Variants in FEM1A observed in about 807,000 individuals in gnomAD.
FEM1A encodes the protein fem-1 homolog A.
Under a neutral mutation model 0.7 loss-of-function variants are expected in FEM1A, and 1 was observed. The ratio of observed to expected loss-of-function variants is 1.35; its 90% CI spans 0.48 to 6.40. FEM1A has a LOEUF of 6.40. Among genes scored for constraint, FEM1A ranks in the 30% most tolerant of loss-of-function variants. The probability of loss-of-function intolerance (pLI) is 0.14; values close to 1 mark genes in which losing one functional copy is unlikely to be tolerated. For synonymous variants in FEM1A, 391 were observed against 420.6 expected (o/e 0.93, Z 0.86); for missense variants, 721 against 918.7 (o/e 0.78, Z 2.78).
In FEM1A at chr19:4,798,252, A is replaced by AAACC. The variant is rs1488470605; in HGVS notation, c.*4391_*4392insCAAC. On this transcript the variant is annotated 3_prime_UTR_variant, in exon 1 of 1. Coordinates refer to ENST00000269856, the MANE Select transcript of FEM1A (RefSeq NM_018708.3). ...CGTCTCAAAAAACAAACAAACAAACAAACAAAACAAAGCAGGTCCGGTATG... is the reference window on the plus strand; with the variant it reads ...CGTCTCAAAAAACAAACAAACAAACAAACCAACAAAACAAAGCAGGTCCGGTATG... 1.3e-5 allele frequency: 2 copies of AAACC among 151,038 alleles called. No individual in the cohort carries two copies. The highest frequency in any genetic ancestry group is 4.9e-5 in the African/African-American group (2 of 40,660). The allele number at this position is 151,038 out of a possible 1,614,324, so 9.4% of individuals were successfully genotyped here. A position where few individuals can be genotyped will look rare whatever the true frequency, so the allele number is the denominator to read the frequency against.
In FEM1A at chr19:4,792,653, C is replaced by T. The variant is rs2093555887; in HGVS notation, c.799C>T (p.Pro267Ser). ...CTCCACCAGCCAGGGGTGTGCGCAG[C>T]CTCAGGGGGCTCCGTGCTGCAGCTC... ...DPSTSQGCAQ[P>S]QGAPCCSSSP... The change falls in exon 1 of 1, where the codon CCT becomes TCT. Residue 267 changes from proline to serine, a missense_variant. This residue lies in a region of FEM1A where 137 missense variants were observed against 121.7 expected (regional missense o/e 1.13). Transcript: ENST00000269856. This position sits in a 1 kb window ranked among gnomAD's most constrained non-coding sequence, Gnocchi z 6.7. 6.2e-7 allele frequency: 1 copy of T among 1,611,984 alleles called. No homozygotes were observed. Among genetic ancestry groups the T allele is most frequent in the Non-Finnish European group, 8.5e-7 (1 of 1,179,852 alleles).
In FEM1A at chr19:4,796,811, C is replaced by T. The variant is rs1004393863; in HGVS notation, c.*2947C>T. 15 of 152,336 alleles carry T rather than the reference C, an allele frequency of 9.8e-5. No homozygotes were observed. The highest frequency in any genetic ancestry group is 3.4e-4 in the African/African-American group (14 of 41,444). The allele number at this position is 152,336 out of a possible 1,614,324, so 9.4% of individuals were successfully genotyped here. A position where few individuals can be genotyped will look rare whatever the true frequency, so the allele number is the denominator to read the frequency against. On this transcript the variant is annotated 3_prime_UTR_variant, in exon 1 of 1. Transcript: ENST00000269856. Reference sequence around the variant, plus strand: ...GCATTGGGTTGGAGGGCTCTTCTCCCGAGGGTGGGTGTCTCCCATCTCTTG... The same window carrying T: ...GCATTGGGTTGGAGGGCTCTTCTCCTGAGGGTGGGTGTCTCCCATCTCTTG...
At position 4,794,958 on chromosome 19, in the gene FEM1A, G is replaced by C. The variant is rs1355928185; in HGVS notation, c.*1094G>C. 1 of 166,774 alleles carries C rather than the reference G, an allele frequency of 6.0e-6. No homozygotes were observed. The highest frequency in any genetic ancestry group is 2.4e-5 in the African/African-American group (1 of 41,338). The allele number at this position is 166,774 out of a possible 1,614,324, so 10.3% of individuals were successfully genotyped here. On this transcript the variant is annotated 3_prime_UTR_variant, in exon 1 of 1. Transcript: ENST00000269856. ...TGCAGTGGCCTCTGATTTCATTGTG[G>C]GTGCATCCACAGGTGGCCCGAGCTG... is the stretch of plus-strand genomic sequence containing the variant.
rs1332528644 is a variant in FEM1A at position 4,792,409 on chromosome 19, G to A, written c.555G>A (p.Thr185=). 6.3e-7 allele frequency: 1 copy of A among 1,595,536 alleles called. No individual in the cohort carries two copies. Among genetic ancestry groups the A allele is most frequent in the African/African-American group, 1.3e-5 (1 of 74,864 alleles). The change falls in exon 1 of 1, where the codon ACG becomes ACA. Residue 185 remains threonine, a synonymous_variant. Coordinates refer to ENST00000269856, the MANE Select transcript of FEM1A (RefSeq NM_018708.3). The surrounding 1 kb of genome is among the most constrained non-coding windows in gnomAD (Gnocchi z 6.7). ...ACCGGCGCAGCGCCAAGGGCAACAC[G>A]GCCCTGCATGACTGCGCCGAGTCCG... is the stretch of plus-strand genomic sequence containing the variant. The part of the protein sequence containing the change: ...QVNRRSAKGN[T]ALHDCAESGS...
chr19:4,792,312 G>A lies in FEM1A; in HGVS notation c.458G>A (p.Cys153Tyr). The A allele has an allele frequency of 6.3e-7, 1 of 1,588,258 alleles. No individual in the cohort carries two copies. The highest frequency in any genetic ancestry group is 8.5e-7 in the Non-Finnish European group (1 of 1,175,034). Residue 153 changes from cysteine (C) to tyrosine (Y), a missense_variant, in exon 1 of 1, where the codon TGC becomes TAC. By Grantham distance (194) the Cys-to-Tyr change is radical. Around this residue, in one of 4 missense-constraint regions of FEM1A, gnomAD observed 195 missense variants for 316.9 expected, o/e 0.62. Coordinates refer to ENST00000269856, the MANE Select transcript of FEM1A (RefSeq NM_018708.3). The surrounding 1 kb of genome is among the most constrained non-coding windows in gnomAD (Gnocchi z 6.7). ...GTGGCCAACCGGCACGGCCACACGT[G>A]CCTCATGATCTCGTGCTACAAGGGC... ...LEVANRHGHTCLMISCYKGHR... is the reference protein window; with the variant it reads ...LEVANRHGHTYLMISCYKGHR...
rs1362945900 is a variant in FEM1A, at chr19:4,793,565, G to A, written c.1711G>A (p.Gly571Arg). 3.1e-6 allele frequency: 5 copies of A among 1,612,954 alleles called. No individual in the cohort carries two copies. The highest frequency in any genetic ancestry group is 4.2e-6 in the Non-Finnish European group (5 of 1,179,842). The change falls in exon 1 of 1, where the codon GGG (glycine) becomes AGG (arginine). Residue 571 changes from glycine (G) to arginine (R), a missense_variant. Around this residue, in one of 4 missense-constraint regions of FEM1A, gnomAD observed 379 missense variants for 454.8 expected, o/e 0.83. Coordinates refer to ENST00000269856, the MANE Select transcript of FEM1A (RefSeq NM_018708.3). This position sits in a 1 kb window ranked among gnomAD's most constrained non-coding sequence, Gnocchi z 5.1. ...CGTGGTCAAAGTGCTGCTCGACTGC[G>A]GGGCCGACCCGGACAGCAGGGATTT... ...LHVVKVLLDCGADPDSRDFDN... is the reference protein window; with the variant it reads ...LHVVKVLLDCRADPDSRDFDN...
chr19:4,792,148 G>A lies in FEM1A; in HGVS notation c.294G>A (p.Val98=). The change falls in exon 1 of 1, where the codon GTG becomes GTA. Residue 98 remains valine (V), a synonymous_variant. Transcript: ENST00000269856. This position sits in a 1 kb window ranked among gnomAD's most constrained non-coding sequence, Gnocchi z 6.7. ...WAASAAGHLD[V]VRSLLRRGAS... The stretch of plus-strand genomic sequence containing the variant: ...CCTCCGCAGCCGGCCACCTGGACGT[G>A]GTGCGGAGCCTGCTGCGCCGCGGGG... The A allele has an allele frequency of 6.6e-7, 1 of 1,517,902 alleles. No individual in the cohort carries two copies. The highest frequency in any genetic ancestry group is 8.8e-7 in the Non-Finnish European group (1 of 1,138,210). The allele number at this position is 1,517,902 out of a possible 1,614,324, so 94.0% of individuals were successfully genotyped here. A position where few individuals can be genotyped will look rare whatever the true frequency, so the allele number is the denominator to read the frequency against.
chr19:4,793,564 C>T lies in FEM1A; in HGVS notation c.1710C>T (p.Cys570=), dbSNP rs2093557407. ...ACGTGGTCAAAGTGCTGCTCGACTG[C>T]GGGGCCGACCCGGACAGCAGGGATT... ...SLHVVKVLLD[C]GADPDSRDFD... The change falls in exon 1 of 1, where the codon TGC becomes TGT. Residue 570 remains cysteine, a synonymous_variant. Coordinates refer to ENST00000269856, the MANE Select transcript of FEM1A (RefSeq NM_018708.3). This position sits in a 1 kb window ranked among gnomAD's most constrained non-coding sequence, Gnocchi z 5.1. The T allele has an allele frequency of 1.2e-6, 2 of 1,612,976 alleles. No individual in the cohort carries two copies. Among genetic ancestry groups the T allele is most frequent in the East Asian group, 4.5e-5 (2 of 44,880 alleles).
chr19:4,792,553 C>T lies in FEM1A; in HGVS notation c.699C>T (p.Tyr233=). The T allele has an allele frequency of 6.2e-7, 1 of 1,604,534 alleles. No individual in the cohort carries two copies. The highest frequency in any genetic ancestry group is 2.1e-4 in the Middle Eastern group (1 of 4,718). Reference sequence around the variant, plus strand: ...CGGGCCACACCAACATCGTGGAGTACCTCATCCAGGAGCAGCCCGGCCAGG... The same window carrying T: ...CGGGCCACACCAACATCGTGGAGTATCTCATCCAGGAGCAGCCCGGCCAGG... ...SVTGHTNIVE[Y]LIQEQPGQEQ... Residue 233 remains tyrosine, a synonymous_variant, in exon 1 of 1, where the codon TAC becomes TAT. Coordinates refer to ENST00000269856, the MANE Select transcript of FEM1A (RefSeq NM_018708.3). The surrounding 1 kb of genome is among the most constrained non-coding windows in gnomAD (Gnocchi z 6.7).
chr19:4,793,564 C>G lies in FEM1A; in HGVS notation c.1710C>G (p.Cys570Trp). ...ACGTGGTCAAAGTGCTGCTCGACTGCGGGGCCGACCCGGACAGCAGGGATT... is the reference window on the plus strand; with the variant it reads ...ACGTGGTCAAAGTGCTGCTCGACTGGGGGGCCGACCCGGACAGCAGGGATT... ...SLHVVKVLLDCGADPDSRDFD... is the reference protein window; with the variant it reads ...SLHVVKVLLDWGADPDSRDFD... The change falls in exon 1 of 1, where the codon TGC (cysteine) becomes TGG (tryptophan). Residue 570 changes from cysteine to tryptophan, a missense_variant. Cys to Trp is a radical substitution (Grantham distance 215). This residue lies in a region of FEM1A where 379 missense variants were observed against 454.8 expected (regional missense o/e 0.83). Coordinates refer to ENST00000269856, the MANE Select transcript of FEM1A (RefSeq NM_018708.3). This position sits in a 1 kb window ranked among gnomAD's most constrained non-coding sequence, Gnocchi z 5.1. 1.2e-6 allele frequency: 2 copies of G among 1,612,976 alleles called. No homozygotes were observed. Among genetic ancestry groups the G allele is most frequent in the Non-Finnish European group, 1.7e-6 (2 of 1,179,848 alleles).
chr19:4,791,752 C>T lies in FEM1A; in HGVS notation c.-103C>T, dbSNP rs1298677484. On this transcript the variant is annotated 5_prime_UTR_variant, in exon 1 of 1. Coordinates refer to ENST00000269856, the MANE Select transcript of FEM1A (RefSeq NM_018708.3). Reference sequence around the variant, plus strand: ...TCCGCCCGAGGAGACCCTAAGATGGCGGCGAGGGGGACGGTGAAGGTTGCC... The same window carrying T: ...TCCGCCCGAGGAGACCCTAAGATGGTGGCGAGGGGGACGGTGAAGGTTGCC... 4.1e-6 allele frequency: 5 copies of T among 1,209,868 alleles called. No individual in the cohort carries two copies. The highest frequency in any genetic ancestry group is 4.4e-6 in the Non-Finnish European group (4 of 912,232). 74.9% of individuals were successfully genotyped at this position (1,209,868 alleles called of 1,614,324 possible).
At position 4,797,550 on chromosome 19, in the gene FEM1A, G is replaced by A. The variant is rs1479575984; in HGVS notation, c.*3686G>A. The A allele has an allele frequency of 5.9e-5, 9 of 151,810 alleles. No homozygotes were observed. Among genetic ancestry groups the A allele is most frequent in the African/African-American group, 2.2e-4 (9 of 41,276 alleles). 9.4% of individuals were successfully genotyped at this position (151,810 alleles called of 1,614,324 possible). A position where few individuals can be genotyped will look rare whatever the true frequency, so the allele number is the denominator to read the frequency against. ...TAAAGACCTGGTTGATAGCTCCCTT[G>A]AGACTGGGGTGGGGTGGGTGTCCCA... On this transcript the variant is annotated 3_prime_UTR_variant, in exon 1 of 1. Coordinates refer to ENST00000269856, the MANE Select transcript of FEM1A (RefSeq NM_018708.3).
Position 4,793,881 on chromosome 19 carries a change from G to C in FEM1A, c.*17G>C. ...CTGCACTGACCTGCCCAGAACGCCT[G>C]CACCCTCACCTCTCCCCTCTCCTGC... On this transcript the variant is annotated 3_prime_UTR_variant, in exon 1 of 1. Transcript: ENST00000269856. This position sits in a 1 kb window ranked among gnomAD's most constrained non-coding sequence, Gnocchi z 5.1. The C allele has an allele frequency of 6.3e-7, 1 of 1,581,528 alleles. No homozygotes were observed. The highest frequency in any genetic ancestry group is 8.6e-7 in the Non-Finnish European group (1 of 1,165,210).
In FEM1A at chr19:4,793,666, G is replaced by A. The variant is rs745553145; in HGVS notation, c.1812G>A (p.Gly604=). 1.9e-6 allele frequency: 3 copies of A among 1,613,012 alleles called. No homozygotes were observed. The highest frequency in any genetic ancestry group is 2.5e-6 in the Non-Finnish European group (3 of 1,179,854). ...TCATGAATGCCCTGATCGAAGCAGGGGCCCACATGGACGCCACCAATGCCT... is the reference window on the plus strand; with the variant it reads ...TCATGAATGCCCTGATCGAAGCAGGAGCCCACATGGACGCCACCAATGCCT... ...PAIMNALIEA[G]AHMDATNAFK... is the part of the protein sequence containing the mutation. Residue 604 remains glycine, a synonymous_variant, in exon 1 of 1, where the codon GGG becomes GGA. Transcript: ENST00000269856. This position sits in a 1 kb window ranked among gnomAD's most constrained non-coding sequence, Gnocchi z 5.1.
rs1489571402 is a variant in FEM1A at position 4,798,134 on chromosome 19, G to A, written c.*4270G>A. Reference sequence around the variant, plus strand: ...TGTAGTCCCAGCTACTCCGGAGTCTGAGGCAGGAGAATGGCGTGAACCCGG... The same window carrying A: ...TGTAGTCCCAGCTACTCCGGAGTCTAAGGCAGGAGAATGGCGTGAACCCGG... On this transcript the variant is annotated 3_prime_UTR_variant, in exon 1 of 1. Transcript: ENST00000269856. 1 of 150,738 alleles carries A rather than the reference G, an allele frequency of 6.6e-6. No homozygotes were observed. The highest frequency in any genetic ancestry group is 1.5e-5 in the Non-Finnish European group (1 of 67,756). 9.3% of individuals were successfully genotyped at this position (150,738 alleles called of 1,614,324 possible). A position where few individuals can be genotyped will look rare whatever the true frequency, so the allele number is the denominator to read the frequency against.
Position 4,800,719 on chromosome 19 carries a change from G to A in FEM1A, c.*6855G>A, listed in dbSNP as rs767959. On this transcript the variant is annotated 3_prime_UTR_variant, in exon 1 of 1. Transcript: ENST00000269856. ...GCTTTGCCAGACCCCGGGTGCCGCC[G>A]CCCCCATGGAATTGCAGGACTGTTA... 0.7 allele frequency: 106,880 copies of A among 152,270 alleles called. 37,974 individuals are homozygous for A. Among genetic ancestry groups the A allele is most frequent in the African/African-American group, 0.8 (33,358 of 41,492 alleles). 9.4% of individuals were successfully genotyped at this position (152,270 alleles called of 1,614,324 possible).
rs12974465 is a variant in FEM1A at position 4,799,667 on chromosome 19, G to A, written c.*5803G>A. 32,440 of 151,482 alleles carry A rather than the reference G, an allele frequency of 0.21. 3,831 individuals carry two copies. Among genetic ancestry groups the A allele is most frequent in the African/African-American group, 0.3 (12,583 of 41,272 alleles). The allele number at this position is 151,482 out of a possible 1,614,324, so 9.4% of individuals were successfully genotyped here. On this transcript the variant is annotated 3_prime_UTR_variant, in exon 1 of 1. Transcript: ENST00000269856. ...CACGCCTGTAATCCCAACACTTTGG[G>A]AGGCCGAGGCGGGCGGATCACGAGG...
In FEM1A at chr19:4,793,577, G is replaced by T; in HGVS notation, c.1723G>T (p.Asp575Tyr). 4 of 1,612,910 alleles carry T rather than the reference G, an allele frequency of 2.5e-6. No individual in the cohort carries two copies. Among genetic ancestry groups the T allele is most frequent in the Non-Finnish European group, 3.4e-6 (4 of 1,179,862 alleles). Residue 575 changes from aspartate to tyrosine, a missense_variant, in exon 1 of 1, where the codon GAC becomes TAC. Asp to Tyr is a radical substitution (Grantham distance 160). Around this residue, in one of 4 missense-constraint regions of FEM1A, gnomAD observed 379 missense variants for 454.8 expected, o/e 0.83. Coordinates refer to ENST00000269856, the MANE Select transcript of FEM1A (RefSeq NM_018708.3). This position sits in a 1 kb window ranked among gnomAD's most constrained non-coding sequence, Gnocchi z 5.1. Reference sequence around the variant, plus strand: ...GCTGCTCGACTGCGGGGCCGACCCGGACAGCAGGGATTTTGACAACAACAC... The same window carrying T: ...GCTGCTCGACTGCGGGGCCGACCCGTACAGCAGGGATTTTGACAACAACAC... ...KVLLDCGADP[D>Y]SRDFDNNTPL...
At position 4,794,825 on chromosome 19, in the gene FEM1A, G is replaced by A. The variant is rs1285930228; in HGVS notation, c.*961G>A. 6.0e-6 allele frequency: 1 copy of A among 166,836 alleles called. No homozygotes were observed. 10.3% of individuals were successfully genotyped at this position (166,836 alleles called of 1,614,324 possible). A position where few individuals can be genotyped will look rare whatever the true frequency, so the allele number is the denominator to read the frequency against. ...CTGTGCTTCCAAACAGAAATCAGGA[G>A]TGACCACAAAGCCTGAAAACACTTT... On this transcript the variant is annotated 3_prime_UTR_variant, in exon 1 of 1. Coordinates refer to ENST00000269856, the MANE Select transcript of FEM1A (RefSeq NM_018708.3).
Sources: gnomAD v4.1 joint callset for allele counts on GRCh38, gnomAD v4.1.1 for gene constraint, gnomAD v4.1.1 regional missense constraint, Gnocchi (gnomAD v3.1) non-coding constraint, MANE v1.5 for transcripts, NCBI Gene and HGNC (gene_info 2026-07-23, HGNC 2026-07-21) for gene names.